ST8SIA5: variants seen among roughly 807,000 people sequenced by gnomAD.
ST8SIA5 encodes the protein ST8 alpha-N-acetyl-neuraminide alpha-2,8-sialyltransferase 5, also known as alpha-2,8-sialyltransferase 8E.
In ST8SIA5, 24 loss-of-function variants were observed where a neutral mutation model predicts 40.2. That is an observed-to-expected ratio of 0.60 (90% CI 0.43 to 0.84). ST8SIA5 has a LOEUF of 0.84. Among genes scored for constraint, ST8SIA5 ranks in the 40% least tolerant of loss-of-function variants. ST8SIA5 has a pLI of 0.00. For missense variants in ST8SIA5, 465 were observed against 498.5 expected (o/e 0.93, Z 0.64); for synonymous variants, 198 against 201.8 (o/e 0.98, Z 0.16).
intron 1 of ST8SIA5, among the ~76,000 whole-genome samples, chr18:46,709,692 A>G (rs57505949): frequency 0.073 from 11,071 of 152,298 alleles, 999 homozygotes; most frequent in East Asian, 0.42. Flanking sequence ...TTACAAAACT[A>G]TGATCTCCAA....
chr18:46,753,436 G>A (rs2040213312), intron 1 of ST8SIA5, among the ~76,000 whole-genome samples: 1 of 152,086 alleles, frequency 6.6e-6, no homozygotes, highest in Admixed American at 6.6e-5. Flanking sequence ...GCTGGGTGTG[G>A]TGGCAGGCCA....
intron 1 of ST8SIA5, among the ~76,000 whole-genome samples, chr18:46,745,545 T>A (rs987265848): frequency 7.2e-5 from 11 of 152,118 alleles, no homozygotes; most frequent in African/African-American, 2.7e-4. Context: ...AATAGACCAA[T>A]AACAGGTTCT....
At chr18:46,706,557 A>G (rs1321513520) in intron 1 of ST8SIA5, among the ~76,000 whole-genome samples, 3 of 152,206 alleles carry the variant, frequency 2.0e-5, no homozygotes, top group African/African-American at 4.8e-5. Context: ...TAATAGTACA[A>G]TTGTGTGTTT....
At chr18:46,704,541 C>G (rs781048816) in intron 2 of ST8SIA5, 31 bp downstream of exon 2, 1 of 1,589,508 alleles carries the variant, frequency 6.3e-7, no homozygotes, top group Non-Finnish European at 8.6e-7. Context: ...TCCACATGCT[C>G]CCTGCACCCA....
rs577632054 is a variant in ST8SIA5, at chr18:46,739,129, C to T, written c.131+17249G>A. On this transcript the variant is annotated intron_variant, in intron 1 of 6. Coordinates refer to ENST00000315087, the MANE Select transcript of ST8SIA5 (RefSeq NM_013305.6). ...TGAATTCAGAGGAGAGAAAGAACACCGTGGGCTGAGACCAGAAAGAGAAGC... is the reference window on the plus strand; with the variant it reads ...TGAATTCAGAGGAGAGAAAGAACACTGTGGGCTGAGACCAGAAAGAGAAGC... Among the ~76,000 whole-genome samples the T allele has an allele frequency of 3.9e-5, 6 of 152,264 alleles. No homozygotes were observed. The South Asian group carries it at 1.2e-3, about 32-fold the overall frequency.
In ST8SIA5 at chr18:46,677,740, A is replaced by C. The variant is rs2039349335; in HGVS notation, c.*2302T>G. 1.3e-5 allele frequency: 2 copies of C among 152,210 alleles called. No individual in the cohort carries two copies. Among genetic ancestry groups the C allele is most frequent in the South Asian group, 4.1e-4 (2 of 4,830 alleles). 9.4% of individuals were successfully genotyped at this position (152,210 alleles called of 1,614,324 possible). A position where few individuals can be genotyped will look rare whatever the true frequency, so the allele number is the denominator to read the frequency against. ...CTCCTACGAGGGCCCTGGCTGGGGC[A>C]GATTCCAACCTGCAACACCCTCAGC... On this transcript the variant is annotated 3_prime_UTR_variant, in exon 7 of 7. Coordinates refer to ENST00000315087, the MANE Select transcript of ST8SIA5 (RefSeq NM_013305.6).
chr18:46,696,614 T>C (rs1050729470), intron 2 of ST8SIA5, among the ~76,000 whole-genome samples: 4 of 152,240 alleles, frequency 2.6e-5, no homozygotes, highest in Non-Finnish European at 5.9e-5. Flanking sequence ...AAGTTGGATA[T>C]AACGGCTGGC....
At chr18:46,710,144 A>G (rs1181153142) in intron 1 of ST8SIA5, among the ~76,000 whole-genome samples, 1 of 152,090 alleles carries the variant, frequency 6.6e-6, no homozygotes, top group Non-Finnish European at 1.5e-5. Context: ...CTCAAATGCC[A>G]CTCAGTTTCC....
At chr18:46,742,421 T>TCAA (rs916830023) in intron 1 of ST8SIA5, among the ~76,000 whole-genome samples, 19 of 83,604 alleles carry the variant, frequency 2.3e-4, no homozygotes, top group African/African-American at 7.0e-4. Flanking sequence ...GCACAAGCAA[T>TCAA]CAACAACAAA....
intron 3 of ST8SIA5, among the ~76,000 whole-genome samples, chr18:46,689,497 T>C (rs1158043011): frequency 1.3e-5 from 2 of 152,044 alleles, no homozygotes; most frequent in Non-Finnish European, 2.9e-5. Context: ...AGTTTCCTCA[T>C]ACAGGCTTGG....
chr18:46,724,989 G>GGAAGGA (rs1174993307), intron 1 of ST8SIA5, among the ~76,000 whole-genome samples: 1,041 of 99,684 alleles, frequency 0.01, 5 homozygotes, highest in Non-Finnish European at 0.017. Context: ...GAAAGAGAGA[G>GGAAGGA]AGGAAGGAAG....
intron 1 of ST8SIA5, among the ~76,000 whole-genome samples, chr18:46,743,222 T>A (rs2040104489): frequency 6.6e-6 from 1 of 152,204 alleles, no homozygotes. Flanking sequence ...TTTGATGAGT[T>A]GACAGAAGAA....
Position 46,756,360 on chromosome 18 carries a change from C to T in ST8SIA5, c.131+18G>A. 3.1e-6 allele frequency: 5 copies of T among 1,610,488 alleles called. No homozygotes were observed. The highest frequency in any genetic ancestry group is 4.2e-6 in the Non-Finnish European group (5 of 1,177,760). ...CGGCCGGCTCCGCGCATCCCGCCCTCTCAATGGACTTTCTTACCTCTTAAT... is the reference window on the plus strand; with the variant it reads ...CGGCCGGCTCCGCGCATCCCGCCCTTTCAATGGACTTTCTTACCTCTTAAT... On this transcript the variant is annotated intron_variant, in intron 1 of 6. Coordinates refer to ENST00000315087, the MANE Select transcript of ST8SIA5 (RefSeq NM_013305.6).
chr18:46,756,580 G>A lies in ST8SIA5; in HGVS notation c.-72C>T, dbSNP rs2040251019. ...ATGACTCGCGGGGTTCCGGGGCCCC[G>A]GGGGGCGCGCGGCCGACTTGGCGCC... On this transcript the variant is annotated 5_prime_UTR_variant, in exon 1 of 7. Coordinates refer to ENST00000315087, the MANE Select transcript of ST8SIA5 (RefSeq NM_013305.6). 2 of 1,511,378 alleles carry A rather than the reference G, an allele frequency of 1.3e-6. No individual in the cohort carries two copies. The highest frequency in any genetic ancestry group is 2.3e-5 in the Admixed American group (1 of 43,774). 93.6% of individuals were successfully genotyped at this position (1,511,378 alleles called of 1,614,324 possible). A position where few individuals can be genotyped will look rare whatever the true frequency, so the allele number is the denominator to read the frequency against.
intron 2 of ST8SIA5, among the ~76,000 whole-genome samples, chr18:46,698,072 A>T (rs1175524913): frequency 6.6e-6 from 1 of 152,152 alleles, no homozygotes; most frequent in East Asian, 1.9e-4. Flanking sequence ...CACCACACCA[A>T]CAATCAAACC....
Position 46,704,735 on chromosome 18 carries a change from T to TG in ST8SIA5, c.132-72dup. On this transcript the variant is annotated intron_variant, in intron 1 of 6. Coordinates refer to ENST00000315087, the MANE Select transcript of ST8SIA5 (RefSeq NM_013305.6). ...GTCCAGGGCCTGCAGGGGCTCTTGT[T>TG]GCAGGGTGGAGTGTCTGTCCCAGTG... The TG allele has an allele frequency of 3.1e-6, 4 of 1,275,548 alleles. No homozygotes were observed. The South Asian group carries it at 4.8e-5, about 15-fold the overall frequency. 79.0% of individuals were successfully genotyped at this position (1,275,548 alleles called of 1,614,324 possible).
chr18:46,675,766 G>A lies in ST8SIA5; in HGVS notation c.*4276C>T, dbSNP rs1215951049. Reference sequence around the variant, plus strand: ...AGGAGAGGACTTTAGAAAGACCAGAGAGACTGTGCATAGTGGCTCACACCT... The same window carrying A: ...AGGAGAGGACTTTAGAAAGACCAGAAAGACTGTGCATAGTGGCTCACACCT... On this transcript the variant is annotated 3_prime_UTR_variant, in exon 7 of 7. Transcript: ENST00000315087. The A allele has an allele frequency of 6.6e-6, 1 of 152,176 alleles. No individual in the cohort carries two copies. Among genetic ancestry groups the A allele is most frequent in the Non-Finnish European group, 1.5e-5 (1 of 68,082 alleles). 9.4% of individuals were successfully genotyped at this position (152,176 alleles called of 1,614,324 possible).
intron 1 of ST8SIA5, among the ~76,000 whole-genome samples, chr18:46,748,728 C>A (rs200079514): frequency 7.3e-5 from 11 of 149,928 alleles, no homozygotes; most frequent in Non-Finnish European, 3.0e-5. Context: ...GGCTATAATC[C>A]AAAAAAAAAG....
chr18:46,698,160 A>T (rs1439630047), intron 2 of ST8SIA5, among the ~76,000 whole-genome samples: 2 of 151,902 alleles, frequency 1.3e-5, no homozygotes, highest in African/African-American at 4.8e-5. Context: ...ACAATCCACC[A>T]CACCAACAAT....
Sources: gnomAD v4.1 joint callset for allele counts (sites outside exome capture counted in the v4.1 genomes callset) on GRCh38, gnomAD v4.1.1 for gene constraint, MANE v1.5 for transcripts, NCBI Gene and HGNC (gene_info 2026-07-23, HGNC 2026-07-21) for gene names.